MAP3K2: variants seen among roughly 807,000 people sequenced by gnomAD.
The protein encoded by MAP3K2 is mitogen-activated protein kinase kinase kinase 2.
MAP3K2 carries 24 observed loss-of-function variants against 80.3 expected under a neutral mutation model. That is an observed-to-expected ratio of 0.30 (90% CI 0.22 to 0.42). MAP3K2 has a LOEUF of 0.42. MAP3K2 is among the 10% of genes least tolerant of loss of function. The pLI, the probability that MAP3K2 is intolerant of heterozygous loss-of-function variation, is 1.00. For synonymous variants in MAP3K2, 244 were observed against 253.7 expected, an observed-to-expected ratio of 0.96 and a Z score of 0.36; for missense variants, 608 against 750.1, an observed-to-expected ratio of 0.81 and a Z score of 2.21.
At position 127,303,321 on chromosome 2, in the gene MAP3K2, C is replaced by T. The variant is rs576553765; in HGVS notation, c.*4258G>A. ...AAGTATGTTTTCTTTAAAAGAGACA[C>T]TGGGGAAAAAAAAAAAAAAGAACAA... On this transcript the variant is annotated 3_prime_UTR_variant, in exon 17 of 17. Coordinates refer to ENST00000682094, the MANE Select transcript of MAP3K2 (RefSeq NM_001371910.2). The T allele has an allele frequency of 2.1e-3, 264 of 125,730 alleles. No homozygotes were observed. The highest frequency in any genetic ancestry group is 7.0e-3 in the African/African-American group (251 of 36,012). The allele number at this position is 125,730 out of a possible 1,614,324, so 7.8% of individuals were successfully genotyped here.
At chr2:127,388,052 G>A (rs572328302), upstream of MAP3K2, 41 of 983,498 alleles carry the variant, frequency 4.2e-5, no homozygotes, top group South Asian at 1.5e-3. Flanking sequence ...AGCGGAACCC[G>A]CCGCGGGCGC....
chr2:127,375,406 A>ATTTT (rs200517629), intron 1 of MAP3K2, among the ~76,000 whole-genome samples: 6 of 140,318 alleles, frequency 4.3e-5, no homozygotes, highest in South Asian at 2.5e-4. Context: ...ATTATTATTT[A>ATTTT]TTTATTTATT....
intron 1 of MAP3K2, among the ~76,000 whole-genome samples, chr2:127,371,064 T>G (rs1199891655): frequency 2.0e-5 from 3 of 152,214 alleles, no homozygotes; most frequent in African/African-American, 7.2e-5. Flanking sequence ...TTTCTTTTAA[T>G]GCTTATAAAA....
At chr2:127,325,306 C>T (rs1686110177) in intron 9 of MAP3K2, among the ~76,000 whole-genome samples, 1 of 152,158 alleles carries the variant, frequency 6.6e-6, no homozygotes, top group Non-Finnish European at 1.5e-5. Context: ...AATTCTATTC[C>T]TCTGAATGTA....
At chr2:127,352,902 T>C (rs1293941703) in intron 1 of MAP3K2, among the ~76,000 whole-genome samples, 1 of 152,186 alleles carries the variant, frequency 6.6e-6, no homozygotes, top group African/African-American at 2.4e-5. Context: ...GGTTTCGCTG[T>C]GTTGGCTGGG....
chr2:127,354,105 T>G (rs958047855), intron 1 of MAP3K2, among the ~76,000 whole-genome samples: 8 of 151,888 alleles, frequency 5.3e-5, no homozygotes, highest in Admixed American at 5.2e-4. Flanking sequence ...ACAAACACTG[T>G]GGAAGGCCGC....
chr2:127,328,520 C>T (rs1318842104), intron 7 of MAP3K2, among the ~76,000 whole-genome samples: 1 of 152,208 alleles, frequency 6.6e-6, no homozygotes, highest in African/African-American at 2.4e-5. Context: ...GTCTCAGGTT[C>T]ATCAGAGAGC....
At chr2:127,335,109 A>C (rs1686339853) in intron 5 of MAP3K2, among the ~76,000 whole-genome samples, 2 of 152,146 alleles carry the variant, frequency 1.3e-5, no homozygotes, top group African/African-American at 4.8e-5. Flanking sequence ...ATATTCAAAC[A>C]ACTCATTTAT....
intron 1 of MAP3K2, among the ~76,000 whole-genome samples, chr2:127,371,145 T>G (rs1687057213): frequency 1.3e-5 from 2 of 152,218 alleles, no homozygotes; most frequent in Non-Finnish European, 2.9e-5. Context: ...ACTGAAGCCT[T>G]GGCAGACAAC....
In MAP3K2 at chr2:127,306,080, G is replaced by C. The variant is rs1392040011; in HGVS notation, c.*1499C>G. 1 of 152,100 alleles carries C rather than the reference G, an allele frequency of 6.6e-6. No individual in the cohort carries two copies. Among genetic ancestry groups the C allele is most frequent in the Non-Finnish European group, 1.5e-5 (1 of 67,980 alleles). 9.4% of individuals were successfully genotyped at this position (152,100 alleles called of 1,614,324 possible). On this transcript the variant is annotated 3_prime_UTR_variant, in exon 17 of 17. Coordinates refer to ENST00000682094, the MANE Select transcript of MAP3K2 (RefSeq NM_001371910.2). The surrounding 1 kb of genome is among the most constrained non-coding windows in gnomAD (Gnocchi z 4.7). The stretch of plus-strand genomic sequence containing the variant: ...GCAATATGCAGCTGGTAAAGTGATT[G>C]CTATTTGCTGTTTGTTGAGATTATT...
At chr2:127,335,399 G>A (rs1349700441) in intron 5 of MAP3K2, among the ~76,000 whole-genome samples, 1 of 152,124 alleles carries the variant, frequency 6.6e-6, no homozygotes, top group African/African-American at 2.4e-5. Context: ...TCTCCACAAC[G>A]CAGAGCTCCT....
intron 6 of MAP3K2, 115 bp from the exon 7 acceptor site, chr2:127,330,123 C>A: frequency 1.5e-6 from 1 of 656,138 alleles, no homozygotes. Flanking sequence ...TAATCAAATC[C>A]TCTACTCTTT....
intron 1 of MAP3K2, among the ~76,000 whole-genome samples, chr2:127,368,009 C>T (rs577114770): frequency 6.6e-6 from 1 of 152,300 alleles, no homozygotes; most frequent in Non-Finnish European, 1.5e-5. Context: ...TCTGCAAATG[C>T]TCAAGTCCCT....
At chr2:127,318,137 T>C (rs753965165) in intron 13 of MAP3K2, 32 bp downstream of exon 13, 2 of 1,529,004 alleles carry the variant, frequency 1.3e-6, no homozygotes, top group Middle Eastern at 1.7e-4. Flanking sequence ...TTTCTTATAA[T>C]GTGACAAAGT....
chr2:127,352,890 G>A (rs1336002230), intron 1 of MAP3K2, among the ~76,000 whole-genome samples: 1 of 152,108 alleles, frequency 6.6e-6, no homozygotes, highest in Non-Finnish European at 1.5e-5. Context: ...TGGTGGAGAC[G>A]CGGTTTCGCT....
In MAP3K2 at chr2:127,305,099, T is replaced by C. The variant is rs1685670945; in HGVS notation, c.*2480A>G. 6.6e-6 allele frequency: 1 copy of C among 152,398 alleles called. No homozygotes were observed. Among genetic ancestry groups the C allele is most frequent in the African/African-American group, 2.4e-5 (1 of 41,390 alleles). 9.4% of individuals were successfully genotyped at this position (152,398 alleles called of 1,614,324 possible). A position where few individuals can be genotyped will look rare whatever the true frequency, so the allele number is the denominator to read the frequency against. ...GAGACTGAAAAAAAAACAGTTTTGC[T>C]CTGGGTTCTACAGTCTCACCAGATT... On this transcript the variant is annotated 3_prime_UTR_variant, in exon 17 of 17. Transcript: ENST00000682094.
At chr2:127,315,559 G>A (rs558608123) in intron 14 of MAP3K2, among the ~76,000 whole-genome samples, 5 of 152,332 alleles carry the variant, frequency 3.3e-5, no homozygotes, top group Admixed American at 1.3e-4. Flanking sequence ...TATGGAAAGC[G>A]GCAAGTGTGG....
chr2:127,330,498 A>C lies in MAP3K2; in HGVS notation c.272T>G (p.Ile91Ser), dbSNP rs1686234342. 6.4e-7 allele frequency: 1 copy of C among 1,573,828 alleles called. No individual in the cohort carries two copies. Among genetic ancestry groups the C allele is most frequent in the Non-Finnish European group, 8.7e-7 (1 of 1,148,392 alleles). Residue 91 changes from isoleucine (I) to serine (S), a missense_variant, in exon 6 of 17, where the codon ATT (isoleucine) becomes AGT (serine). Around this residue, in one of 4 missense-constraint regions of MAP3K2, gnomAD observed 467 missense variants for 521.9 expected, o/e 0.89. Coordinates refer to ENST00000682094, the MANE Select transcript of MAP3K2 (RefSeq NM_001371910.2). ...DLHYTNNELV[I>S]PLTTQDDLDK... is the part of the protein sequence containing the mutation. ...CAAGTCATCTTGAGTAGTTAATGGAATTACCAACTAAAAACAAACATAAGG... is the reference window on the plus strand; with the variant it reads ...CAAGTCATCTTGAGTAGTTAATGGACTTACCAACTAAAAACAAACATAAGG...
rs1685632088 is a variant in MAP3K2 at position 127,303,293 on chromosome 2, A to C, written c.*4286T>G. 2 of 151,610 alleles carry C rather than the reference A, an allele frequency of 1.3e-5. No homozygotes were observed. The highest frequency in any genetic ancestry group is 4.8e-5 in the African/African-American group (2 of 41,324). 9.4% of individuals were successfully genotyped at this position (151,610 alleles called of 1,614,324 possible). On this transcript the variant is annotated 3_prime_UTR_variant, in exon 17 of 17. Coordinates refer to ENST00000682094, the MANE Select transcript of MAP3K2 (RefSeq NM_001371910.2). Reference sequence around the variant, plus strand: ...GGGTATTTTCACAATTTAGACCAAAATAAAGTATGTTTTCTTTAAAAGAGA... The same window carrying C: ...GGGTATTTTCACAATTTAGACCAAACTAAAGTATGTTTTCTTTAAAAGAGA...
Sources: allele counts gnomAD v4.1 joint callset (sites outside exome capture counted in the v4.1 genomes callset), GRCh38; gene constraint gnomAD v4.1.1; regional missense constraint gnomAD v4.1.1; non-coding constraint Gnocchi (gnomAD v3.1); transcripts MANE v1.5; gene names NCBI Gene and HGNC (gene_info 2026-07-23, HGNC 2026-07-21).